The following SPCS1 variants were observed in gnomAD, a reference collection of about 807,000 sequenced individuals.
SPCS1 encodes signal peptidase complex subunit 1.
Under a neutral mutation model 16.4 loss-of-function variants are expected in SPCS1, and 10 were observed. The ratio of observed to expected loss-of-function variants is 0.61; its 90% CI spans 0.38 to 1.03. The LOEUF is 1.03. SPCS1 is among the 50% of genes least tolerant of loss of function. SPCS1 has a pLI of 0.01. For missense variants in SPCS1, 118 were observed against 123.8 expected, an observed-to-expected ratio of 0.95 and a Z score of 0.22; for synonymous variants, 47 against 42.5, an observed-to-expected ratio of 1.10 and a Z score of -0.41.
rs2154101437 is a variant in SPCS1 at position 52,708,921 on chromosome 3, C to G, written c.*1109C>G. 1 of 152,212 alleles carries G rather than the reference C, an allele frequency of 6.6e-6. No homozygotes were observed. The highest frequency in any genetic ancestry group is 1.5e-5 in the Non-Finnish European group (1 of 68,020). 9.4% of individuals were successfully genotyped at this position (152,212 alleles called of 1,614,324 possible). A position where few individuals can be genotyped will look rare whatever the true frequency, so the allele number is the denominator to read the frequency against. The stretch of plus-strand genomic sequence containing the variant: ...ACACTTTAGGCCAGGCATGGTGCCT[C>G]AAGCCTGTAATCCCAGCATTTAGGG... On this transcript the variant is annotated 3_prime_UTR_variant, in exon 4 of 4. Transcript: ENST00000619898.
In SPCS1 at chr3:52,706,165, A is replaced by G; in HGVS notation, c.-82A>G. 6.5e-6 allele frequency: 10 copies of G among 1,544,898 alleles called. No individual in the cohort carries two copies. The highest frequency in any genetic ancestry group is 8.7e-6 in the Non-Finnish European group (10 of 1,149,396). On this transcript the variant is annotated 5_prime_UTR_variant, in exon 1 of 4. Transcript: ENST00000619898. ...CTACTGACGCGCAGTGCCAGACCTT[A>G]CCCCTCACGGTCCTTAAGTCTCGGT...
intron 3 of SPCS1, chr3:52,707,329 C>T (rs964790713): frequency 2.4e-5 from 5 of 205,222 alleles, no homozygotes; most frequent in Admixed American, 1.1e-4. Flanking sequence ...ACCACCACAC[C>T]CAGCTAATTT....
chr3:52,707,572 TTTTTG>T lies in SPCS1; in HGVS notation c.184-110_184-106del, dbSNP rs1372737991. 4.5e-6 allele frequency: 5 copies of T among 1,106,448 alleles called. No individual in the cohort carries two copies. In the Admixed American group the frequency reaches 9.6e-5, roughly 21 times the overall value. The allele number at this position is 1,106,448 out of a possible 1,614,324, so 68.5% of individuals were successfully genotyped here. ...GCCTTTATAGGAATATGGATTTTTT[TTTTTG>T]TTTTTTTGTTCCCTCAGCATAGGAG... On this transcript the variant is annotated intron_variant, in intron 3 of 3. Transcript: ENST00000619898.
rs754735566 is a variant in SPCS1, at chr3:52,706,174, G to C, written c.-73G>C. On this transcript the variant is annotated 5_prime_UTR_variant, in exon 1 of 4. Transcript: ENST00000619898. ...CGCAGTGCCAGACCTTACCCCTCAC[G>C]GTCCTTAAGTCTCGGTCGCCCTCGC... 1.2e-5 allele frequency: 19 copies of C among 1,548,240 alleles called. No homozygotes were observed. The Admixed American group carries it at 2.1e-4, about 17-fold the overall frequency.
Position 52,706,885 on chromosome 3 carries a change from A to G in SPCS1, c.183+6A>G. The G allele has an allele frequency of 6.2e-7, 1 of 1,611,434 alleles. No homozygotes were observed. Among genetic ancestry groups the G allele is most frequent in the Non-Finnish European group, 8.5e-7 (1 of 1,177,806 alleles). ...GATTTGCTTTTTCATGTTTGGTAAGAAATTTGTGGGTATTAGTGGCAGCTT... is the reference window on the plus strand; with the variant it reads ...GATTTGCTTTTTCATGTTTGGTAAGGAATTTGTGGGTATTAGTGGCAGCTT... On this transcript the variant is annotated splice_donor_region_variant and intron_variant, in intron 3 of 3. Transcript: ENST00000619898.
chr3:52,706,437 C>T (rs2097344796), intron 1 of SPCS1, 155 bp downstream of exon 1: 2 of 889,050 alleles, frequency 2.2e-6, no homozygotes, highest in South Asian at 1.7e-5. Context: ...CCCTTCTCTT[C>T]TACTCCGCGA....
chr3:52,706,445 C>T, intron 1 of SPCS1, 163 bp downstream of exon 1: 1 of 847,096 alleles, frequency 1.2e-6, no homozygotes, highest in Non-Finnish European at 1.8e-6. Flanking sequence ...TTCTACTCCG[C>T]GAGAATCTCC....
At chr3:52,707,039 T>A (rs1175000279) in intron 3 of SPCS1, 160 bp downstream of exon 3, 1 of 667,052 alleles carries the variant, frequency 1.5e-6, no homozygotes, top group Non-Finnish European at 2.7e-6. Context: ...CAAAATAGTG[T>A]CAGATGGTGC....
At chr3:52,707,599 G>A in intron 3 of SPCS1, 88 bp from the exon 4 acceptor site, 2 of 1,399,340 alleles carry the variant, frequency 1.4e-6, no homozygotes, top group Non-Finnish European at 2.0e-6. Flanking sequence ...CCTCAGCATA[G>A]GAGTCATTTG....
rs915982418 is a variant in SPCS1 at position 52,706,143 on chromosome 3, C to T, written c.-104C>T. ...CTCCCGGGCTTAGAAGGCCCGGCTA[C>T]TGACGCGCAGTGCCAGACCTTACCC... On this transcript the variant is annotated 5_prime_UTR_variant, in exon 1 of 4. Coordinates refer to ENST00000619898, the MANE Select transcript of SPCS1 (RefSeq NM_014041.5). 28 of 1,541,792 alleles carry T rather than the reference C, an allele frequency of 1.8e-5. No individual in the cohort carries two copies. Among genetic ancestry groups the T allele is most frequent in the Middle Eastern group, 3.7e-4 (2 of 5,478 alleles).
intron 2 of SPCS1, 22 bp from the exon 3 acceptor site, chr3:52,706,771 A>G: frequency 6.2e-7 from 1 of 1,611,632 alleles, no homozygotes; most frequent in Non-Finnish European, 8.5e-7. Flanking sequence ...GAGTGTGTTT[A>G]ATATACTTCA....
rs2097345273 is a variant in SPCS1 at position 52,706,977 on chromosome 3, C to T, written c.183+98C>T. 11 of 842,054 alleles carry T rather than the reference C, an allele frequency of 1.3e-5. No individual in the cohort carries two copies. In the South Asian group the frequency reaches 1.5e-4, roughly 12 times the overall value. The allele number at this position is 842,054 out of a possible 1,614,324, so 52.2% of individuals were successfully genotyped here. ...AGTGAGACCCAAAGCCAACGTTTCC[C>T]TCATCCTTCCAAACAGCGTTTCCCT... On this transcript the variant is annotated intron_variant, in intron 3 of 3. Coordinates refer to ENST00000619898, the MANE Select transcript of SPCS1 (RefSeq NM_014041.5).
chr3:52,706,993 G>T, intron 3 of SPCS1, 114 bp downstream of exon 3: 1 of 788,900 alleles, frequency 1.3e-6, no homozygotes, highest in Admixed American at 1.9e-5. Context: ...CTTCCAAACA[G>T]CGTTTCCCTT....
At chr3:52,707,604 C>G (rs2154101358) in intron 3 of SPCS1, 83 bp from the exon 4 acceptor site, 1 of 1,445,112 alleles carries the variant, frequency 6.9e-7, no homozygotes, top group South Asian at 1.2e-5. Flanking sequence ...GCATAGGAGT[C>G]ATTTGGGAAC....
rs2097346318 is a variant in SPCS1, at chr3:52,707,974, T to C, written c.*162T>C. On this transcript the variant is annotated 3_prime_UTR_variant, in exon 4 of 4. Transcript: ENST00000619898. Reference sequence around the variant, plus strand: ...TCTAGCCCAGTTGGGTTTTGATTTATATAAGTAGTTTAGACCTTCTCTTCA... The same window carrying C: ...TCTAGCCCAGTTGGGTTTTGATTTACATAAGTAGTTTAGACCTTCTCTTCA... 1.2e-6 allele frequency: 1 copy of C among 804,286 alleles called. No individual in the cohort carries two copies. The highest frequency in any genetic ancestry group is 1.9e-6 in the Non-Finnish European group (1 of 515,864). 49.8% of individuals were successfully genotyped at this position (804,286 alleles called of 1,614,324 possible). A position where few individuals can be genotyped will look rare whatever the true frequency, so the allele number is the denominator to read the frequency against.
In SPCS1 at chr3:52,708,281, C is replaced by G. The variant is rs1391251000; in HGVS notation, c.*469C>G. 6.5e-6 allele frequency: 1 copy of G among 153,026 alleles called. No homozygotes were observed. Among genetic ancestry groups the G allele is most frequent in the African/African-American group, 2.5e-5 (1 of 40,446 alleles). 9.5% of individuals were successfully genotyped at this position (153,026 alleles called of 1,614,324 possible). On this transcript the variant is annotated 3_prime_UTR_variant, in exon 4 of 4. Coordinates refer to ENST00000619898, the MANE Select transcript of SPCS1 (RefSeq NM_014041.5). Reference sequence around the variant, plus strand: ...GGTGCAGTGGCTCTCACCTATAATCCCAGCACTTGAGGAGGCTAAGGCAGG... The same window carrying G: ...GGTGCAGTGGCTCTCACCTATAATCGCAGCACTTGAGGAGGCTAAGGCAGG...
At chr3:52,706,475 T>G (rs1578600206) in intron 1 of SPCS1, 169 bp from the exon 2 acceptor site, 1 of 823,596 alleles carries the variant, frequency 1.2e-6, no homozygotes, top group Non-Finnish European at 1.9e-6. Context: ...TCCGTGAGGG[T>G]GTTTCAGTTC....
chr3:52,706,536 G>A, intron 1 of SPCS1, 108 bp from the exon 2 acceptor site: 2 of 1,080,096 alleles, frequency 1.9e-6, no homozygotes, highest in Admixed American at 2.1e-5. Context: ...TAGGAGAGCG[G>A]GAGACCCTGA....
intron 3 of SPCS1, 147 bp downstream of exon 3, chr3:52,707,026 T>C: frequency 1.4e-6 from 1 of 698,024 alleles, no homozygotes; most frequent in Non-Finnish European, 2.6e-6. Flanking sequence ...AAAAGTAGAA[T>C]GCCAAAATAG....
Sources: gnomAD v4.1 joint callset for allele counts on GRCh38, gnomAD v4.1.1 for gene constraint, MANE v1.5 for transcripts, NCBI Gene and HGNC (gene_info 2026-07-23, HGNC 2026-07-21) for gene names.